The following YJU2B variants were observed in gnomAD, a reference collection of about 807,000 sequenced individuals.
YJU2B encodes the protein probable splicing factor YJU2B.
A neutral mutation model predicts 38.0 loss-of-function variants in YJU2B; 18 were observed. The ratio of observed to expected loss-of-function variants is 0.47; its 90% CI spans 0.33 to 0.70. The LOEUF (loss-of-function observed/expected upper bound fraction) is 0.70, where lower values mean the gene tolerates loss of function less well. YJU2B is among the 30% of genes least tolerant of loss of function. YJU2B has a pLI of 0.02. For synonymous variants in YJU2B, 246 were observed against 225.4 expected, an observed-to-expected ratio of 1.09 and a Z score of -0.82; for missense variants, 538 against 556.3, an observed-to-expected ratio of 0.97 and a Z score of 0.33.
Position 13,751,345 on chromosome 19 carries a change from G to A in YJU2B, c.-201-263G>A, listed in dbSNP as rs59469086. 4.0e-3 allele frequency among the ~76,000 whole-genome samples: 610 copies of A among 152,262 alleles called. 20 individuals carry two copies. In the East Asian group the frequency reaches 0.078, roughly 19 times the overall value. On this transcript the variant is annotated intron_variant, in intron 1 of 9. Coordinates refer to ENST00000221554, the MANE Select transcript of YJU2B (RefSeq NM_030818.4). ...CAGGAGAATCACTTGAACCCAGGAGGTGGAGGTTGCAGTGAGCAGAGATCG... is the reference window on the plus strand; with the variant it reads ...CAGGAGAATCACTTGAACCCAGGAGATGGAGGTTGCAGTGAGCAGAGATCG...
upstream of YJU2B, among the ~76,000 whole-genome samples, chr19:13,742,928 C>G (rs1042609666): frequency 3.3e-5 from 5 of 152,230 alleles, no homozygotes; most frequent in South Asian, 2.1e-4. Flanking sequence ...GCACACCCCC[C>G]ACCTGACTCA....
rs534270989 is a variant in YJU2B at position 13,739,208 on chromosome 19, C to T, written c.-202+6923C>T. Among the ~76,000 whole-genome samples the T allele has an allele frequency of 2.4e-4, 37 of 151,998 alleles. 1 individual carries two copies. The highest frequency in any genetic ancestry group is 4.1e-4 in the South Asian group (2 of 4,822). On this transcript the variant is annotated intron_variant, in intron 2 of 10. Coordinates refer to the YJU2B transcript ENST00000586600. ...TCACCCATACTGAAGTACCATGGTGCGATCACAGCTCACTGCAGCCTCAAA... is the reference window on the plus strand; with the variant it reads ...TCACCCATACTGAAGTACCATGGTGTGATCACAGCTCACTGCAGCCTCAAA...
At chr19:13,745,694 T>TAG (rs1568280923), upstream of YJU2B, among the ~76,000 whole-genome samples, 97 of 37,136 alleles carry the variant, frequency 2.6e-3, no homozygotes, top group African/African-American at 5.4e-3. Context: ...TAGATAGATA[T>TAG]AGATATATAG....
At chr19:13,751,108 G>C (rs947369522) in intron 1 of YJU2B, among the ~76,000 whole-genome samples, 1 of 152,060 alleles carries the variant, frequency 6.6e-6, no homozygotes, top group Admixed American at 6.6e-5. Context: ...GCAGGAGAGT[G>C]ACACGTTTGT....
chr19:13,743,586 AAAAAG>A (rs1973150946), upstream of YJU2B, among the ~76,000 whole-genome samples: 1 of 145,056 alleles, frequency 6.9e-6, no homozygotes, highest in Non-Finnish European at 1.5e-5. Context: ...TCAGGAAAAA[AAAAAG>A]AAAAAGAAAA....
chr19:13,760,328 C>T (rs149744386), intron 8 of YJU2B, among the ~76,000 whole-genome samples: 2 of 152,158 alleles, frequency 1.3e-5, no homozygotes, highest in Admixed American at 6.5e-5. Flanking sequence ...TTCTCATAGG[C>T]GGTGGCTTCT....
chr19:13,749,957 C>T (rs1973393685), intron 1 of YJU2B, among the ~76,000 whole-genome samples: 2 of 152,112 alleles, frequency 1.3e-5, no homozygotes, highest in Non-Finnish European at 1.5e-5. Context: ...CCCTTCCAAA[C>T]ATGAGAGGGG....
chr19:13,751,486 C>CGTGCTGGCCCACGTGAGTGATGATGG, intron 1 of YJU2B, 122 bp from the exon 2 acceptor site: 2 of 342,864 alleles, frequency 5.8e-6, no homozygotes, highest in Middle Eastern at 8.1e-4. Flanking sequence ...GAGAGAAGAC[C>CGTGCTGGCCCACGTGAGTGATGATGG]GTGCTGGCCC....
rs770273608 is a variant in YJU2B at position 13,762,410 on chromosome 19, G to T, written c.685G>T (p.Ala229Ser). ...GACGGAAGATGACCGCAAGCTGGCG[G>T]CTCTGCTGAAGTTCCACACCCTGGA... ...PETEDDRKLA[A>S]LLKFHTLDSY... Residue 229 changes from alanine (A) to serine (S), a missense_variant, in exon 9 of 10, where the codon GCT (alanine) becomes TCT (serine). Ala to Ser is a moderately conservative substitution (Grantham distance 99). Transcript: ENST00000221554. 11 of 1,613,296 alleles carry T rather than the reference G, an allele frequency of 6.8e-6. No individual in the cohort carries two copies. Among genetic ancestry groups the T allele is most frequent in the Non-Finnish European group, 7.6e-6 (9 of 1,180,006 alleles).
In YJU2B at chr19:13,756,214, A is replaced by C. The variant is rs1216769896; in HGVS notation, c.75A>C (p.Arg25=). 1 of 1,614,026 alleles carries C rather than the reference A, an allele frequency of 6.2e-7. No individual in the cohort carries two copies. Among genetic ancestry groups the C allele is most frequent in the Admixed American group, 1.7e-5 (1 of 60,000 alleles). ...CCACACAGCATGGCTCTCTCAACCG[A>C]TACCACAACAGCCACCCGCTTCGGG... ...FNPEKHGSLN[R]YHNSHPLRER... The change falls in exon 4 of 10, where the codon CGA becomes CGC. Residue 25 remains arginine, a synonymous_variant. Coordinates refer to ENST00000221554, the MANE Select transcript of YJU2B (RefSeq NM_030818.4).
intron 1 of YJU2B, among the ~76,000 whole-genome samples, chr19:13,751,371 C>T (rs1452629438): frequency 1.3e-5 from 2 of 152,034 alleles, no homozygotes; most frequent in East Asian, 1.9e-4. Flanking sequence ...GCAGAGATCG[C>T]GCCACTGCAC....
rs1334694558 is a variant in YJU2B at position 13,759,183 on chromosome 19, G to T, written c.484G>T (p.Ala162Ser). Reference protein sequence around the residue: ...GEADRSTLKKALPTLSHIQEA... With the variant: ...GEADRSTLKKSLPTLSHIQEA... ...GGCCGACCGCAGCACACTCAAGAAGGCGCTGCCCACACTGAGCCACATCCA... is the reference window on the plus strand; with the variant it reads ...GGCCGACCGCAGCACACTCAAGAAGTCGCTGCCCACACTGAGCCACATCCA... The change falls in exon 8 of 10, where the codon GCG (alanine) becomes TCG (serine). Residue 162 changes from alanine to serine, a missense_variant. Coordinates refer to ENST00000221554, the MANE Select transcript of YJU2B (RefSeq NM_030818.4). 6.2e-7 allele frequency: 1 copy of T among 1,613,426 alleles called. No individual in the cohort carries two copies. The highest frequency in any genetic ancestry group is 1.3e-5 in the African/African-American group (1 of 74,946).
chr19:13,759,495 G>A, intron 8 of YJU2B: 1 of 499,348 alleles, frequency 2.0e-6, no homozygotes, highest in Admixed American at 3.9e-5. Context: ...TGGGCACAGT[G>A]ACTCACGCCT....
chr19:13,747,738 C>T (rs1195063211), upstream of YJU2B: 1 of 152,416 alleles, frequency 6.6e-6, no homozygotes, highest in Non-Finnish European at 1.5e-5. Context: ...GATGGAGCCT[C>T]TTGGCGTAAG....
intron 8 of YJU2B, among the ~76,000 whole-genome samples, chr19:13,760,671 C>T (rs868103886): frequency 2.0e-5 from 3 of 152,012 alleles, no homozygotes; most frequent in African/African-American, 7.3e-5. Flanking sequence ...TGTCTCACTG[C>T]AGCCTCGATG....
Position 13,749,086 on chromosome 19 carries a change from C to A in YJU2B, c.-202+1132C>A, listed in dbSNP as rs1165404823. Among the ~76,000 whole-genome samples the A allele has an allele frequency of 2.0e-5, 3 of 152,184 alleles. No individual in the cohort carries two copies. In the East Asian group the frequency reaches 5.8e-4, roughly 29 times the overall value. ...TGGCGTGATCTCGGTTCACTGCAAC[C>A]TCCGCCTCCCAGATTCAAGCGATTC... On this transcript the variant is annotated intron_variant, in intron 1 of 9. Transcript: ENST00000221554.
In YJU2B at chr19:13,757,675, C is replaced by G. The variant is rs551265578; in HGVS notation, c.197-111C>G. The G allele has an allele frequency of 1.5e-4, 185 of 1,216,368 alleles. 1 individual carries two copies. Among genetic ancestry groups the G allele is most frequent in the Middle Eastern group, 7.6e-4 (4 of 5,290 alleles). 75.3% of individuals were successfully genotyped at this position (1,216,368 alleles called of 1,614,324 possible). On this transcript the variant is annotated intron_variant, in intron 5 of 9. Coordinates refer to ENST00000221554, the MANE Select transcript of YJU2B (RefSeq NM_030818.4). Reference sequence around the variant, plus strand: ...CTTCCAATCCCGTCTCTAACTCCTCCTAGTTGGGGAACCCTCAGCAAGTGA... The same window carrying G: ...CTTCCAATCCCGTCTCTAACTCCTCGTAGTTGGGGAACCCTCAGCAAGTGA...
At chr19:13,745,691 A>ATAGATAGATAGATATC (rs1491305651), upstream of YJU2B, among the ~76,000 whole-genome samples, 17 of 58,716 alleles carry the variant, frequency 2.9e-4, no homozygotes, top group African/African-American at 1.1e-3. Context: ...AGATAGATAG[A>ATAGATAGATAGATATC]TATAGATATA....
intron 6 of YJU2B, among the ~76,000 whole-genome samples, chr19:13,758,404 T>A (rs190842283): frequency 4.1e-4 from 63 of 152,328 alleles, no homozygotes; most frequent in Non-Finnish European, 7.2e-4. Context: ...CAGAGCAGCC[T>A]GTCTTGGGCG....
Sources: gnomAD v4.1 joint callset for allele counts (sites outside exome capture counted in the v4.1 genomes callset) on GRCh38, gnomAD v4.1.1 for gene constraint, MANE v1.5 for transcripts, NCBI Gene and HGNC (gene_info 2026-07-23, HGNC 2026-07-21) for gene names.